Variants in SLC35D1 observed in about 807,000 individuals in gnomAD.
SLC35D1 encodes solute carrier family 35 member D1.
Under a neutral mutation model 46.7 loss-of-function variants are expected in SLC35D1, and 31 were observed. The ratio of observed to expected loss-of-function variants is 0.66; its 90% CI spans 0.50 to 0.90. SLC35D1 has a LOEUF of 0.90. Ranked by LOEUF, SLC35D1 falls within the 40% of genes least tolerant of loss-of-function variation. SLC35D1 has a pLI of 0.00. For synonymous variants in SLC35D1, 195 were observed against 164.6 expected (o/e 1.18, Z -1.41); for missense variants, 397 against 426.2 (o/e 0.93, Z 0.60).
intron 8 of SLC35D1, among the ~76,000 whole-genome samples, chr1:67,023,962 T>A (rs1392870471): frequency 6.6e-6 from 1 of 151,680 alleles, no homozygotes; most frequent in Non-Finnish European, 1.5e-5. Context: ...TTTTTTTTTT[T>A]AAGACAGAGT....
At chr1:66,996,546 G>T, downstream of SLC35D1, among the ~76,000 whole-genome samples, 1 of 152,194 alleles carries the variant, frequency 6.6e-6, no homozygotes, top group East Asian at 1.9e-4. Flanking sequence ...ACCTGTAGAT[G>T]CCAGGCCTCT....
rs921385635 is a variant in SLC35D1 at position 67,049,941 on chromosome 1, A to C, written c.465-91T>G. On this transcript the variant is annotated intron_variant, in intron 5 of 11. Transcript: ENST00000235345. Reference sequence around the variant, plus strand: ...CAAAAAATGGGATATGCTTTCTCAAAAGCTATAAACAATCGTATTTTAAAC... The same window carrying C: ...CAAAAAATGGGATATGCTTTCTCAACAGCTATAAACAATCGTATTTTAAAC... The C allele has an allele frequency of 1.9e-5, 17 of 901,630 alleles. No individual in the cohort carries two copies. In the African/African-American group the frequency reaches 2.8e-4, roughly 15 times the overall value. The allele number at this position is 901,630 out of a possible 1,614,324, so 55.9% of individuals were successfully genotyped here. A position where few individuals can be genotyped will look rare whatever the true frequency, so the allele number is the denominator to read the frequency against.
rs1645297755 is a variant in SLC35D1, at chr1:67,050,519, G to C, written c.393-15C>G. 4 of 1,577,524 alleles carry C rather than the reference G, an allele frequency of 2.5e-6. No homozygotes were observed. The highest frequency in any genetic ancestry group is 3.5e-6 in the Non-Finnish European group (4 of 1,149,572). On this transcript the variant is annotated splice_polypyrimidine_tract_variant and intron_variant, in intron 4 of 11. Coordinates refer to ENST00000235345, the MANE Select transcript of SLC35D1 (RefSeq NM_015139.3). ...ACATTGGCAAGCTGGAAAAAAAAAA[G>C]ATAATTAGGTAAAATAGAATTTAAC...
chr1:66,975,343 A>G, the SLC35D1 span, among the ~76,000 whole-genome samples: 1 of 152,012 alleles, frequency 6.6e-6, no homozygotes, highest in Non-Finnish European at 1.5e-5. Context: ...CCTAGGCAAC[A>G]TGGCAAAACC....
intron 7 of SLC35D1, among the ~76,000 whole-genome samples, chr1:67,042,530 C>G (rs1014823058): frequency 2.0e-4 from 31 of 152,074 alleles, no homozygotes; most frequent in African/African-American, 7.5e-4. Context: ...AGCAAACTTA[C>G]AAAATTTTAT....
chr1:66,973,499 CTTATAG>C, the SLC35D1 span, among the ~76,000 whole-genome samples: 36 of 152,016 alleles, frequency 2.4e-4, no homozygotes, highest in East Asian at 3.5e-3. Context: ...GCTTTATATT[CTTATAG>C]TTATAATTTG....
In SLC35D1 at chr1:67,054,128, C is replaced by A; in HGVS notation, c.-115G>T. ...CCGCAGACTAGGCCAGCTGCGCGCT[C>A]GCCGCCTCGACTCCCCGCTTGGCCG... On this transcript the variant is annotated 5_prime_UTR_variant, in exon 1 of 12. Coordinates refer to ENST00000235345, the MANE Select transcript of SLC35D1 (RefSeq NM_015139.3). 9.5e-7 allele frequency: 1 copy of A among 1,053,732 alleles called. No individual in the cohort carries two copies. 65.3% of individuals were successfully genotyped at this position (1,053,732 alleles called of 1,614,324 possible).
chr1:67,041,936 T>C (rs957835134), intron 8 of SLC35D1, among the ~76,000 whole-genome samples: 1 of 152,234 alleles, frequency 6.6e-6, no homozygotes, highest in East Asian at 1.9e-4. Context: ...TCCTATTTTA[T>C]AGTTTAGCAG....
intron 10 of SLC35D1, among the ~76,000 whole-genome samples, chr1:67,011,715 C>G (rs1157355981): frequency 6.6e-6 from 1 of 152,104 alleles, no homozygotes; most frequent in African/African-American, 2.4e-5. Flanking sequence ...AGCTCCTGAG[C>G]TCAGGCAATC....
At chr1:67,051,898 T>A (rs1022768667) in intron 4 of SLC35D1, 114 bp downstream of exon 4, 2 of 761,632 alleles carry the variant, frequency 2.6e-6, no homozygotes, top group Non-Finnish European at 4.6e-6. Flanking sequence ...AGAAGCTTTC[T>A]GGTCCTTTCA....
intron 6 of SLC35D1, 59 bp downstream of exon 6, chr1:67,049,723 A>C: frequency 7.0e-7 from 1 of 1,437,280 alleles, no homozygotes; most frequent in Non-Finnish European, 9.7e-7. Context: ...ATAAGCAATC[A>C]TTTATTATCA....
At chr1:67,053,768 CGCTCCTCCTCCGCGGCCT>C in intron 1 of SLC35D1, 25 bp downstream of exon 1, 1 of 1,456,324 alleles carries the variant, frequency 6.9e-7, no homozygotes, top group Non-Finnish European at 9.1e-7. Context: ...CGCCGCCGCC[CGCTCCTCCTCCGCGGCCT>C]GGGCCGCCGC....
At chr1:67,027,537 G>T (rs1006961179) in intron 8 of SLC35D1, among the ~76,000 whole-genome samples, 2 of 151,866 alleles carry the variant, frequency 1.3e-5, no homozygotes. Context: ...GGCTCCCAAA[G>T]CATTGGAATT....
At chr1:66,976,246 C>T in the SLC35D1 span, among the ~76,000 whole-genome samples, 2 of 127,618 alleles carry the variant, frequency 1.6e-5, no homozygotes, top group Non-Finnish European at 3.3e-5. Flanking sequence ...TCGTGATCCA[C>T]CCCCCTTGGC....
At chr1:66,981,230 C>T in the SLC35D1 span, among the ~76,000 whole-genome samples, 1 of 152,016 alleles carries the variant, frequency 6.6e-6, no homozygotes. Context: ...AGCTCACATA[C>T]AATGAGAAAG....
At chr1:67,022,094 A>C (rs1336495078) in intron 8 of SLC35D1, among the ~76,000 whole-genome samples, 1 of 152,190 alleles carries the variant, frequency 6.6e-6, no homozygotes, top group East Asian at 1.9e-4. Context: ...AAGGAGAATT[A>C]CTGTTTTAAA....
intron 1 of SLC35D1, among the ~76,000 whole-genome samples, chr1:67,053,590 C>A (rs1046689245): frequency 2.0e-5 from 3 of 151,988 alleles, no homozygotes; most frequent in Non-Finnish European, 2.9e-5. Context: ...ATGTGCCGGG[C>A]CGGCCGGAGC....
intron 10 of SLC35D1, among the ~76,000 whole-genome samples, chr1:67,014,670 G>GTT (rs34459732): frequency 0.61 from 61,303 of 100,406 alleles, 16,732 homozygotes; most frequent in South Asian, 0.75. Context: ...TCAATTTTTA[G>GTT]TTTTTTTTTT....
At chr1:66,991,599 A>C in the SLC35D1 span, among the ~76,000 whole-genome samples, 1 of 152,228 alleles carries the variant, frequency 6.6e-6, no homozygotes, top group Non-Finnish European at 1.5e-5. Flanking sequence ...AAAGCAGTAG[A>C]TTCATCTGAT....
Sources: allele counts gnomAD v4.1 joint callset (sites outside exome capture counted in the v4.1 genomes callset), GRCh38; gene constraint gnomAD v4.1.1; transcripts MANE v1.5; gene names NCBI Gene and HGNC (gene_info 2026-07-23, HGNC 2026-07-21).